DNAAF19: variants seen among roughly 807,000 people sequenced by gnomAD.
DNAAF19 encodes the protein dynein axonemal assembly factor 19.
the DNAAF19 span, chr17:44,904,720 A>G: frequency 8.8e-5 from 137 of 1,550,576 alleles, no homozygotes; most frequent in Middle Eastern, 1.2e-3. Context: ...CAGAGCATGC[A>G]GTGGCCTGGG....
chr17:44,904,228 T>C, the DNAAF19 span: 2 of 1,550,546 alleles, frequency 1.3e-6, no homozygotes, highest in Non-Finnish European at 1.7e-6. Context: ...GGGACTACTT[T>C]TACGCCTACG....
the DNAAF19 span, chr17:44,904,218 G>A: frequency 1.9e-6 from 3 of 1,550,450 alleles, no homozygotes; most frequent in Non-Finnish European, 2.6e-6. Flanking sequence ...ACCCGCAAGG[G>A]GGACTACTTT....
chr17:44,904,038 A>C, the DNAAF19 span: 1 of 1,550,598 alleles, frequency 6.4e-7, no homozygotes, highest in Non-Finnish European at 8.7e-7. Context: ...TACCAAAAGC[A>C]CCTAGGTAGC....
At chr17:44,904,209 C>T in the DNAAF19 span, 5 of 1,550,550 alleles carry the variant, frequency 3.2e-6, no homozygotes, top group Admixed American at 5.9e-5. Context: ...TTCTGCGGCA[C>T]CCGCAAGGGG....
the DNAAF19 span, chr17:44,904,577 C>A: frequency 6.4e-7 from 1 of 1,550,566 alleles, no homozygotes; most frequent in South Asian, 1.2e-5. Flanking sequence ...AAAGACCATC[C>A]GGGAGGGCGT....
At chr17:44,903,871 G>GAGT in the DNAAF19 span, 452,143 of 1,550,230 alleles carry the variant, frequency 0.29, 66,281 homozygotes, top group Middle Eastern at 0.31. Context: ...GGGCATGGGG[G>GAGT]CTCCAGGCCT....
At chr17:44,903,614 G>C in the DNAAF19 span, 1 of 1,408,596 alleles carries the variant, frequency 7.1e-7, no homozygotes, top group Non-Finnish European at 9.2e-7. Context: ...CCCACCCTGA[G>C]ATCAGGTCTG....
chr17:44,904,755 G>A, the DNAAF19 span: 49 of 1,550,568 alleles, frequency 3.2e-5, no homozygotes, highest in East Asian at 3.4e-4. Context: ...CACCTCTACC[G>A]CACACAGTAC....
chr17:44,903,843 T>C, the DNAAF19 span: 1 of 1,547,930 alleles, frequency 6.5e-7, no homozygotes, highest in South Asian at 1.2e-5. Context: ...CACCTGGCCC[T>C]CACCACTGTG....
the DNAAF19 span, chr17:44,903,890 G>A: frequency 6.4e-7 from 1 of 1,550,564 alleles, no homozygotes; most frequent in Non-Finnish European, 8.7e-7. Flanking sequence ...CTTTGAAATT[G>A]TGGAGAAGGA....
At chr17:44,903,187 T>TA in the DNAAF19 span, 2 of 1,268,440 alleles carry the variant, frequency 1.6e-6, no homozygotes, top group Non-Finnish European at 2.0e-6. Context: ...ATCTTTATGG[T>TA]AAACAAACAC....
chr17:44,901,754 A>G, the DNAAF19 span: 1 of 1,293,710 alleles, frequency 7.7e-7, no homozygotes, highest in Admixed American at 2.4e-5. Flanking sequence ...TTTTAACCAC[A>G]CATACCTCTT....
At chr17:44,904,980 GCTACC>G in the DNAAF19 span, 4 of 1,550,772 alleles carry the variant, frequency 2.6e-6, no homozygotes, top group South Asian at 4.8e-5. Context: ...ACCCTGATAG[GCTACC>G]TGCTCATCAC....
chr17:44,904,217 G>T, the DNAAF19 span: 170 of 1,550,564 alleles, frequency 1.1e-4, 2 homozygotes, highest in South Asian at 1.8e-3. Context: ...CACCCGCAAG[G>T]GGGACTACTT....
At chr17:44,904,104 A>C in the DNAAF19 span, 4 of 1,550,624 alleles carry the variant, frequency 2.6e-6, no homozygotes, top group Non-Finnish European at 3.5e-6. Context: ...GAGGCAGCCC[A>C]GGTACGTGTG....
chr17:44,903,768 G>T, the DNAAF19 span: 1 of 1,481,872 alleles, frequency 6.7e-7, no homozygotes, highest in Non-Finnish European at 9.0e-7. Flanking sequence ...CTTTCTAGGA[G>T]CCCTATGAGC....
At chr17:44,904,787 A>C in the DNAAF19 span, 2 of 1,550,638 alleles carry the variant, frequency 1.3e-6, no homozygotes, top group Non-Finnish European at 1.7e-6. Flanking sequence ...CAACAGGTCC[A>C]TGAGGGTGTT....
the DNAAF19 span, among the ~76,000 whole-genome samples, chr17:44,902,156 A>G: frequency 9.9e-5 from 15 of 152,278 alleles, no homozygotes; most frequent in East Asian, 1.9e-4. Context: ...GAGAATCTCA[A>G]ATCATGGCGT....
chr17:44,903,253 T>C, the DNAAF19 span: 1 of 1,251,514 alleles, frequency 8.0e-7, no homozygotes, highest in African/African-American at 1.5e-5. Context: ...TGAATGGACA[T>C]GTAATCAACA....
Sources: gnomAD v4.1 joint callset for allele counts (sites outside exome capture counted in the v4.1 genomes callset) on GRCh38, gnomAD v4.1.1 for gene constraint, MANE v1.5 for transcripts, NCBI Gene and HGNC (gene_info 2026-07-23, HGNC 2026-07-21) for gene names.